The following BCL2L13 variants were observed in gnomAD, a reference collection of about 807,000 sequenced individuals.
BCL2L13 encodes bcl-2-like protein 13.
In BCL2L13, 13 loss-of-function variants were observed where a neutral mutation model predicts 25.8. That is an observed-to-expected ratio of 0.50 (90% CI 0.33 to 0.80). The LOEUF (loss-of-function observed/expected upper bound fraction) is 0.80, where lower values mean the gene tolerates loss of function less well. Ranked by LOEUF, BCL2L13 falls within the 30% of genes least tolerant of loss-of-function variation. The probability of loss-of-function intolerance (pLI) is 0.02; values close to 1 mark genes in which losing one functional copy is unlikely to be tolerated. For synonymous variants in BCL2L13, 244 were observed against 230.3 expected (o/e 1.06, Z -0.54); for missense variants, 504 against 574.9 (o/e 0.88, Z 1.26).
chr22:17,693,396 T>TG (rs1282504371), intron 4 of BCL2L13, among the ~76,000 whole-genome samples: 3 of 87,596 alleles, frequency 3.4e-5, no homozygotes, highest in Non-Finnish European at 7.3e-5. Context: ...TTTTTTTTTT[T>TG]GGAGACGGAG....
chr22:17,711,485 G>A (rs185268020), intron 6 of BCL2L13, among the ~76,000 whole-genome samples: 53 of 151,918 alleles, frequency 3.5e-4, no homozygotes, highest in African/African-American at 1.3e-3. Flanking sequence ...TTTTTGTAGA[G>A]GTGCAATTTT....
chr22:17,632,009 G>A (rs985747595), intron 1 of BCL2L13, among the ~76,000 whole-genome samples: 4 of 152,012 alleles, frequency 2.6e-5, no homozygotes, highest in African/African-American at 4.8e-5. Flanking sequence ...CGTGAGCCAC[G>A]GCGCCTGGCC....
At position 17,638,829 on chromosome 22, in the gene BCL2L13, C is replaced by G. The variant is rs189051470; in HGVS notation, c.-108C>G. 11 of 1,231,966 alleles carry G rather than the reference C, an allele frequency of 8.9e-6. No homozygotes were observed. The highest frequency in any genetic ancestry group is 3.1e-4 in the Middle Eastern group (1 of 3,230). 76.3% of individuals were successfully genotyped at this position (1,231,966 alleles called of 1,614,324 possible). On this transcript the variant is annotated 5_prime_UTR_variant, in exon 1 of 7. Transcript: ENST00000317582. ...ACTCACCGCCGCTGGGGGACCCTGTCGGAAGCAACTGCCGCCGCCGCCTCT... is the reference window on the plus strand; with the variant it reads ...ACTCACCGCCGCTGGGGGACCCTGTGGGAAGCAACTGCCGCCGCCGCCTCT...
At chr22:17,640,662 G>A (rs2058242783) in intron 1 of BCL2L13, among the ~76,000 whole-genome samples, 1 of 150,466 alleles carries the variant, frequency 6.6e-6, no homozygotes, top group African/African-American at 2.4e-5. Context: ...TTCGAGACCA[G>A]CCTGGGCAAC....
At chr22:17,719,536 A>G (rs181866637) in intron 6 of BCL2L13, among the ~76,000 whole-genome samples, 79 of 152,254 alleles carry the variant, frequency 5.2e-4, no homozygotes, top group African/African-American at 1.9e-3. Flanking sequence ...AATAAGTAAA[A>G]TGTCGTGCCT....
At chr22:17,674,605 C>CAA (rs71201865) in intron 2 of BCL2L13, among the ~76,000 whole-genome samples, 2 of 125,188 alleles carry the variant, frequency 1.6e-5, no homozygotes, top group Non-Finnish European at 3.4e-5. Flanking sequence ...GACTCTGTCT[C>CAA]AAAAAAAAAA....
chr22:17,727,508 G>T lies in BCL2L13; in HGVS notation c.1432G>T (p.Val478Leu), dbSNP rs1324158007. 1 of 1,614,226 alleles carries T rather than the reference G, an allele frequency of 6.2e-7. No homozygotes were observed. Among genetic ancestry groups the T allele is most frequent in the East Asian group, 2.2e-5 (1 of 44,882 alleles). ...TGCCATCCTGGCAGTGGCCATCGGG[G>T]TAGCCCTGGCTCTGAGAAAGAAATA... is the stretch of plus-strand genomic sequence containing the variant. ...AVAILAVAIG[V>L]ALALRKK The change falls in exon 7 of 7, where the codon GTA becomes TTA. Residue 478 changes from valine to leucine, a missense_variant. Val to Leu is a conservative substitution (Grantham distance 32). Transcript: ENST00000317582.
intron 6 of BCL2L13, among the ~76,000 whole-genome samples, chr22:17,715,528 T>C (rs2145788216): frequency 6.6e-6 from 1 of 152,124 alleles, no homozygotes; most frequent in Non-Finnish European, 1.5e-5. Flanking sequence ...TAATAAAATA[T>C]GTATTGAATC....
rs1381220605 is a variant in BCL2L13, at chr22:17,698,555, T to TAAAAAAA, written c.456+2345_456+2346insAAAAAAA. On this transcript the variant is annotated intron_variant, in intron 5 of 6. Coordinates refer to ENST00000317582, the MANE Select transcript of BCL2L13 (RefSeq NM_015367.4). The stretch of plus-strand genomic sequence containing the variant: ...GGGCAACATAGCAAGACCCTGTCTC[T>TAAAAAAA]TAAAAAAAAAAAAAAAAAAAAAGCC... 2.0e-5 allele frequency among the ~76,000 whole-genome samples: 2 copies of TAAAAAAA among 97,772 alleles called. 1 individual carries two copies. The highest frequency in any genetic ancestry group is 3.7e-5 in the Non-Finnish European group (2 of 53,402). 64.1% of individuals were successfully genotyped at this position (97,772 alleles called of 152,430 possible).
At position 17,638,901 on chromosome 22, in the gene BCL2L13, G is replaced by A. The variant is rs1568912157; in HGVS notation, c.-51+15G>A. On this transcript the variant is annotated intron_variant, in intron 1 of 6. Transcript: ENST00000317582. The stretch of plus-strand genomic sequence containing the variant: ...GCCAGGGCCAGGTGAGGGGAGTGGG[G>A]TTCCGGGAAGGCTGAGCTGGGTGAG... The A allele has an allele frequency of 8.1e-7, 1 of 1,232,102 alleles. No individual in the cohort carries two copies. The highest frequency in any genetic ancestry group is 1.0e-6 in the Non-Finnish European group (1 of 988,312). The allele number at this position is 1,232,102 out of a possible 1,614,324, so 76.3% of individuals were successfully genotyped here.
chr22:17,674,389 A>C (rs924528034), intron 2 of BCL2L13, among the ~76,000 whole-genome samples: 1 of 151,854 alleles, frequency 6.6e-6, no homozygotes, highest in Non-Finnish European at 1.5e-5. Context: ...GGCGGATCAC[A>C]AGGTCAGGAG....
intron 6 of BCL2L13, among the ~76,000 whole-genome samples, chr22:17,725,703 C>A (rs1231266156): frequency 6.6e-6 from 1 of 151,884 alleles, no homozygotes; most frequent in Non-Finnish European, 1.5e-5. Flanking sequence ...CTGCATTGAA[C>A]ATACAGGGTG....
intron 1 of BCL2L13, among the ~76,000 whole-genome samples, chr22:17,640,779 G>A (rs572422919): frequency 1.3e-5 from 2 of 151,916 alleles, no homozygotes; most frequent in South Asian, 2.1e-4. Flanking sequence ...GCTTGAGCCC[G>A]GGAGATCAAG....
intron 2 of BCL2L13, among the ~76,000 whole-genome samples, chr22:17,657,619 C>T (rs1283693669): frequency 6.6e-6 from 1 of 151,890 alleles, no homozygotes; most frequent in East Asian, 1.9e-4. Flanking sequence ...TCAAGCGATT[C>T]TTCTGTCTCA....
At chr22:17,676,668 A>C (rs112196010) in intron 2 of BCL2L13, among the ~76,000 whole-genome samples, 12 of 152,308 alleles carry the variant, frequency 7.9e-5, no homozygotes, top group African/African-American at 2.9e-4. Context: ...TCACTTAATA[A>C]TGTCATGATG....
At chr22:17,694,891 A>G (rs1441805981) in intron 4 of BCL2L13, among the ~76,000 whole-genome samples, 1 of 152,206 alleles carries the variant, frequency 6.6e-6, no homozygotes, top group Non-Finnish European at 1.5e-5. Flanking sequence ...GGTCAGAGAG[A>G]TCTGAGTTCA....
chr22:17,669,287 C>T (rs2059343834), intron 2 of BCL2L13, among the ~76,000 whole-genome samples: 2 of 152,146 alleles, frequency 1.3e-5, no homozygotes, highest in African/African-American at 2.4e-5. Flanking sequence ...CCGCCTCGGC[C>T]TCCCACAGTG....
At chr22:17,662,940 C>T (rs780374888) in intron 2 of BCL2L13, among the ~76,000 whole-genome samples, 55 of 152,074 alleles carry the variant, frequency 3.6e-4, no homozygotes, top group Middle Eastern at 3.4e-3. Flanking sequence ...GTTGAGAACA[C>T]AGCTCCCTAC....
At position 17,688,975 on chromosome 22, in the gene BCL2L13, C is replaced by T. The variant is rs375352640; in HGVS notation, c.230-11C>T. On this transcript the variant is annotated splice_polypyrimidine_tract_variant and intron_variant, in intron 3 of 6. Coordinates refer to ENST00000317582, the MANE Select transcript of BCL2L13 (RefSeq NM_015367.4). The stretch of plus-strand genomic sequence containing the variant: ...TTATTATATTAGGTTTTTCTTTTGT[C>T]CTATCTTCAGCCTTCACCAGCACAG... 76 of 1,606,774 alleles carry T rather than the reference C, an allele frequency of 4.7e-5. 1 individual carries two copies. Among genetic ancestry groups the T allele is most frequent in the Non-Finnish European group, 2.0e-5 (24 of 1,177,864 alleles).
Sources: allele counts gnomAD v4.1 joint callset (sites outside exome capture counted in the v4.1 genomes callset), GRCh38; gene constraint gnomAD v4.1.1; transcripts MANE v1.5; gene names NCBI Gene and HGNC (gene_info 2026-07-23, HGNC 2026-07-21).